The following OPCML variants were observed in gnomAD, a reference collection of about 807,000 sequenced individuals.
The protein encoded by OPCML is opioid binding protein/cell adhesion molecule like.
OPCML carries 13 observed loss-of-function variants against 37.8 expected under a neutral mutation model. The observed-to-expected ratio is 0.34, with a 90% CI of 0.22 to 0.55. The LOEUF is 0.55. OPCML is among the 20% of genes least tolerant of loss of function. OPCML has a pLI of 0.91. For missense variants in OPCML, 341 were observed against 435.6 expected, an observed-to-expected ratio of 0.78 and a Z score of 1.93; for synonymous variants, 176 against 168.8, an observed-to-expected ratio of 1.04 and a Z score of -0.33.
At position 132,909,446 on chromosome 11, in the gene OPCML, G is replaced by A. The variant is rs551330770; in HGVS notation, c.146+33480C>T. Among the ~76,000 whole-genome samples, 11 of 152,358 alleles carry A rather than the reference G, an allele frequency of 7.2e-5. No homozygotes were observed. The East Asian group carries it at 2.1e-3, about 29-fold the overall frequency. ...AGGCTGGAATGCTTCTGCATGCTGT[G>A]TGCCACAGCTTCCTGGAAGATGGCA... On this transcript the variant is annotated intron_variant, in intron 2 of 7. Coordinates refer to ENST00000524381, the MANE Select transcript of OPCML (RefSeq NM_001012393.5).
intron 1 of OPCML, among the ~76,000 whole-genome samples, chr11:133,347,538 C>T (rs1944031689): frequency 6.6e-6 from 1 of 152,026 alleles, no homozygotes; most frequent in Non-Finnish European, 1.5e-5. Context: ...CTCCTGTATC[C>T]AATATGGAAT....
intron 1 of OPCML, among the ~76,000 whole-genome samples, chr11:133,277,717 G>A (rs912799117): frequency 3.1e-4 from 47 of 151,982 alleles, no homozygotes; most frequent in Admixed American, 2.5e-3. Flanking sequence ...GTGTATATAT[G>A]TATGTGTGTG....
At chr11:132,651,045 C>T (rs1292989594) in intron 3 of OPCML, among the ~76,000 whole-genome samples, 1 of 152,210 alleles carries the variant, frequency 6.6e-6, no homozygotes, top group Non-Finnish European at 1.5e-5. Context: ...CTCCCTGGGC[C>T]TGCTGCAACC....
intron 2 of OPCML, among the ~76,000 whole-genome samples, chr11:132,925,295 G>A (rs908569685): frequency 1.3e-5 from 2 of 152,136 alleles, no homozygotes; most frequent in Non-Finnish European, 1.5e-5. Context: ...CTGTCTCTTC[G>A]AACTCTGTTT....
At chr11:132,810,389 C>T (rs781129163) in intron 2 of OPCML, among the ~76,000 whole-genome samples, 2 of 152,136 alleles carry the variant, frequency 1.3e-5, no homozygotes, top group African/African-American at 2.4e-5. Flanking sequence ...TTCCAAGCAC[C>T]AGCATGTCTA....
chr11:132,857,675 T>A (rs887547910), intron 2 of OPCML, among the ~76,000 whole-genome samples: 3 of 152,338 alleles, frequency 2.0e-5, no homozygotes, highest in African/African-American at 7.2e-5. Flanking sequence ...TAAAGCAATG[T>A]CATTCTTCTC....
intron 1 of OPCML, among the ~76,000 whole-genome samples, chr11:133,028,894 C>CAA (rs56272022): frequency 7.1e-5 from 10 of 140,132 alleles, no homozygotes; most frequent in South Asian, 4.6e-4. Flanking sequence ...CTGCACACAG[C>CAA]AAAAAAAAAA....
intron 1 of OPCML, chr11:133,004,812 G>C (rs1452195225): frequency 1.0e-6 from 1 of 985,392 alleles, no homozygotes; most frequent in East Asian, 1.1e-4. Flanking sequence ...CGTCTAACCT[G>C]CCCCTCTCCA....
At chr11:132,944,887 T>C (rs1485850331) in intron 1 of OPCML, among the ~76,000 whole-genome samples, 1 of 152,242 alleles carries the variant, frequency 6.6e-6, no homozygotes, top group Non-Finnish European at 1.5e-5. Flanking sequence ...GAGCCTTTTG[T>C]TAAATTAGAC....
intron 1 of OPCML, among the ~76,000 whole-genome samples, chr11:133,144,582 G>T (rs538834578): frequency 1.3e-5 from 2 of 152,320 alleles, no homozygotes; most frequent in Non-Finnish European, 2.9e-5. Flanking sequence ...CATCTAGCAC[G>T]CTGGCCAGCA....
chr11:133,505,682 T>A (rs1948014896), intron 1 of OPCML, among the ~76,000 whole-genome samples: 1 of 152,178 alleles, frequency 6.6e-6, no homozygotes. Context: ...TCGTTAACCA[T>A]AAATAAGCAA....
chr11:132,886,942 C>A (rs1419939975), intron 2 of OPCML, among the ~76,000 whole-genome samples: 1 of 152,146 alleles, frequency 6.6e-6, no homozygotes, highest in Non-Finnish European at 1.5e-5. Context: ...GCACTAGCCC[C>A]ATGGAGAGCA....
intron 1 of OPCML, among the ~76,000 whole-genome samples, chr11:133,362,822 A>G (rs1162285450): frequency 2.6e-5 from 4 of 151,962 alleles, no homozygotes; most frequent in Non-Finnish European, 5.9e-5. Context: ...TCCTAATCCC[A>G]CTACCTACCT....
chr11:132,703,750 G>T (rs1201367826), intron 2 of OPCML, among the ~76,000 whole-genome samples: 1 of 152,122 alleles, frequency 6.6e-6, no homozygotes, highest in Non-Finnish European at 1.5e-5. Flanking sequence ...TGGAACTTGG[G>T]TCCATGTGAG....
At chr11:133,020,480 A>G (rs2136900183) in intron 1 of OPCML, among the ~76,000 whole-genome samples, 1 of 152,326 alleles carries the variant, frequency 6.6e-6, no homozygotes, top group South Asian at 2.1e-4. Context: ...CTCCTGAGAC[A>G]TTGGCTCAGC....
intron 1 of OPCML, among the ~76,000 whole-genome samples, chr11:132,948,190 A>G (rs1203845681): frequency 1.3e-5 from 2 of 152,226 alleles, no homozygotes; most frequent in Non-Finnish European, 2.9e-5. Flanking sequence ...GACTGCCTTG[A>G]AAGATGAGTT....
At chr11:132,675,967 G>T (rs572977808) in intron 2 of OPCML, among the ~76,000 whole-genome samples, 4 of 152,132 alleles carry the variant, frequency 2.6e-5, no homozygotes, top group African/African-American at 9.6e-5. Context: ...GAAATCCAAG[G>T]GACTCAGAAC....
intron 3 of OPCML, among the ~76,000 whole-genome samples, chr11:132,652,936 C>T (rs547832203): frequency 1.8e-4 from 27 of 152,234 alleles, no homozygotes; most frequent in South Asian, 4.2e-4. Flanking sequence ...GTGCCTCAGA[C>T]GGTGTGCTAA....
At chr11:132,986,606 T>A (rs1946685403) in intron 1 of OPCML, among the ~76,000 whole-genome samples, 1 of 152,144 alleles carries the variant, frequency 6.6e-6, no homozygotes, top group Non-Finnish European at 1.5e-5. Context: ...CAAGGAATCC[T>A]CGAACAAATA....
Sources: allele counts gnomAD v4.1 joint callset (sites outside exome capture counted in the v4.1 genomes callset), GRCh38; gene constraint gnomAD v4.1.1; transcripts MANE v1.5; gene names NCBI Gene and HGNC (gene_info 2026-07-23, HGNC 2026-07-21).